Variants in GFM1 observed in about 807,000 individuals in gnomAD.
GFM1 encodes elongation factor G, mitochondrial.
Under a neutral mutation model 96.2 loss-of-function variants are expected in GFM1, and 62 were observed. The ratio of observed to expected loss-of-function variants is 0.64; its 90% CI spans 0.53 to 0.80. The LOEUF (loss-of-function observed/expected upper bound fraction) is 0.80, where lower values mean the gene tolerates loss of function less well. GFM1 is among the 30% of genes least tolerant of loss of function. The pLI, the probability that GFM1 is intolerant of heterozygous loss-of-function variation, is 0.00. For missense variants in GFM1, 852 were observed against 916.6 expected, an observed-to-expected ratio of 0.93 and a Z score of 0.91; for synonymous variants, 282 against 312.9, an observed-to-expected ratio of 0.90 and a Z score of 1.04.
chr3:158,676,030 T>G (rs1005391526), intron 13 of GFM1, among the ~76,000 whole-genome samples: 38 of 152,332 alleles, frequency 2.5e-4, no homozygotes, highest in African/African-American at 8.2e-4. Flanking sequence ...CCTAGCACTT[T>G]GTGAGGCTGA....
intron 13 of GFM1, chr3:158,669,584 T>C: frequency 6.2e-7 from 1 of 1,614,022 alleles, no homozygotes; most frequent in South Asian, 1.1e-5. Context: ...GGTAAAGTAC[T>C]TCAGCTGTGC....
At chr3:158,679,801 A>G (rs1725210799) in intron 13 of GFM1, among the ~76,000 whole-genome samples, 1 of 152,334 alleles carries the variant, frequency 6.6e-6, no homozygotes, top group Non-Finnish European at 1.5e-5. Context: ...TTTGAGTTTC[A>G]CAAATTGCTA....
In GFM1 at chr3:158,682,361, A is replaced by T. The variant is rs1267402080; in HGVS notation, c.1764+204A>T. 5.5e-6 allele frequency: 3 copies of T among 548,258 alleles called. No individual in the cohort carries two copies. The African/African-American group carries it at 5.7e-5, about 10-fold the overall frequency. 34.0% of individuals were successfully genotyped at this position (548,258 alleles called of 1,614,324 possible). On this transcript the variant is annotated intron_variant, in intron 14 of 17. Transcript: ENST00000486715. ...GCTGTAAATCCATGCTGTGACAATG[A>T]TGGGAAATTATTATGTTTCTGAATC...
intron 1 of GFM1, chr3:158,645,008 T>G (rs2107998274): frequency 2.5e-6 from 1 of 395,086 alleles, no homozygotes. Context: ...TGCCTCTCTT[T>G]TCCCGTGAAT....
At chr3:158,669,106 T>C in intron 13 of GFM1, 2 of 1,613,674 alleles carry the variant, frequency 1.2e-6, no homozygotes, top group Non-Finnish European at 1.7e-6. Context: ...ACGAGCGTCA[T>C]TTCTGGAGAT....
intron 5 of GFM1, chr3:158,650,605 G>A (rs1385651664): frequency 6.5e-6 from 1 of 153,280 alleles, no homozygotes; most frequent in Non-Finnish European, 1.5e-5. Context: ...AAATCTGAAA[G>A]TTGTGGGGAG....
intron 11 of GFM1, among the ~76,000 whole-genome samples, chr3:158,663,967 A>G (rs905665471): frequency 6.6e-6 from 1 of 152,162 alleles, no homozygotes; most frequent in African/African-American, 2.4e-5. Flanking sequence ...TGTGCAGAAA[A>G]AAGGCAAAAG....
intron 13 of GFM1, chr3:158,669,227 ATGTTGTGC>A: frequency 7.4e-7 from 1 of 1,349,472 alleles, no homozygotes. Context: ...TTTCCTTCGA[ATGTTGTGC>A]AAAAAATAAT....
intron 13 of GFM1, chr3:158,669,241 A>G (rs907954231): frequency 2.3e-6 from 3 of 1,294,706 alleles, no homozygotes; most frequent in South Asian, 1.4e-5. Context: ...TGTGCAAAAA[A>G]TAATTTAATT....
At chr3:158,682,866 A>G (rs948153050) in intron 14 of GFM1, among the ~76,000 whole-genome samples, 30 of 151,978 alleles carry the variant, frequency 2.0e-4, no homozygotes, top group Admixed American at 2.0e-3. Context: ...CTCTACAGAA[A>G]AATAAAAATA....
chr3:158,668,781 T>C (rs916661876), intron 13 of GFM1, among the ~76,000 whole-genome samples: 1 of 152,198 alleles, frequency 6.6e-6, no homozygotes, highest in African/African-American at 2.4e-5. Flanking sequence ...CTCAGCCAAA[T>C]CAAACAACTT....
chr3:158,647,983 G>A (rs559957490), intron 4 of GFM1, among the ~76,000 whole-genome samples: 1 of 151,998 alleles, frequency 6.6e-6, no homozygotes, highest in African/African-American at 2.4e-5. Flanking sequence ...TTTTGGATTG[G>A]GCTTATGAGA....
At chr3:158,661,077 C>T (rs193072196) in intron 10 of GFM1, 102 bp downstream of exon 10, 65 of 862,030 alleles carry the variant, frequency 7.5e-5, no homozygotes, top group Non-Finnish European at 1.1e-4. Flanking sequence ...CAGAAGTTTT[C>T]GTTGAGTACC....
At chr3:158,679,658 A>G (rs1297937518) in intron 13 of GFM1, among the ~76,000 whole-genome samples, 2 of 151,982 alleles carry the variant, frequency 1.3e-5, no homozygotes, top group Admixed American at 6.6e-5. Flanking sequence ...TTGATGAGTC[A>G]TTTATCTGTG....
intron 13 of GFM1, chr3:158,669,759 G>A: frequency 2.8e-6 from 2 of 704,340 alleles, no homozygotes; most frequent in Non-Finnish European, 4.7e-6. Context: ...ATCTAATTGG[G>A]CCTGGCCTAT....
Position 158,659,030 on chromosome 3 carries a change from C to T in GFM1, c.1192C>T (p.Leu398=), listed in dbSNP as rs1722987507. The part of the protein sequence containing the change: ...RTRKKVRLQR[L]ARMHADMMED... ...AAGAAAGAAAGTACGGTTGCAACGG[C>T]TGGCTCGCATGCATGCCGACATGAT... The change falls in exon 9 of 18, where the codon CTG becomes TTG. Residue 398 remains leucine (L), a synonymous_variant. Transcript: ENST00000486715. 6.2e-7 allele frequency: 1 copy of T among 1,614,056 alleles called. No homozygotes were observed. Among genetic ancestry groups the T allele is most frequent in the African/African-American group, 1.3e-5 (1 of 74,914 alleles).
intron 13 of GFM1, chr3:158,672,794 A>G: frequency 3.4e-6 from 1 of 290,232 alleles, no homozygotes; most frequent in African/African-American, 2.1e-5. Flanking sequence ...CAGCAGGTGG[A>G]GGTGTGGGGA....
At position 158,646,305 on chromosome 3, in the gene GFM1, G is replaced by A; in HGVS notation, c.367+8G>A. On this transcript the variant is annotated splice_region_variant and intron_variant, in intron 3 of 17. Coordinates refer to ENST00000486715, the MANE Select transcript of GFM1 (RefSeq NM_024996.7). ...ACATTATAGATACTCCTGGTGAGTT[G>A]GATTCTTGGTTTTATTGCAGCTTCT... The A allele has an allele frequency of 6.2e-7, 1 of 1,613,912 alleles. No homozygotes were observed. The highest frequency in any genetic ancestry group is 8.5e-7 in the Non-Finnish European group (1 of 1,179,898).
chr3:158,666,328 C>CT lies in GFM1; in HGVS notation c.1543_1544insT (p.Pro515LeufsTer22). The CT allele has an allele frequency of 6.2e-7, 1 of 1,613,334 alleles. No individual in the cohort carries two copies. The highest frequency in any genetic ancestry group is 8.5e-7 in the Non-Finnish European group (1 of 1,179,584). Reference sequence around the variant, plus strand: ...GAGGCTGGAAAGAGAGTATGGCTGTCCTTGTATCACAGGAAAGCCAAAAGT... The same window carrying CT: ...GAGGCTGGAAAGAGAGTATGGCTGTCTCTTGTATCACAGGAAAGCCAAAAGT... On this transcript the variant is annotated frameshift_variant, in exon 13 of 18. Transcript: ENST00000486715. LOFTEE classifies it high-confidence loss of function.
Sources: gnomAD v4.1 joint callset for allele counts (sites outside exome capture counted in the v4.1 genomes callset) on GRCh38, gnomAD v4.1.1 for gene constraint, MANE v1.5 for transcripts, NCBI Gene and HGNC (gene_info 2026-07-23, HGNC 2026-07-21) for gene names.